ZNF804A: variants seen among roughly 807,000 people sequenced by gnomAD.
ZNF804A encodes the protein zinc finger protein 804A.
A neutral mutation model predicts 16.5 loss-of-function variants in ZNF804A; 2 were observed. The observed-to-expected ratio is 0.12, with a 90% confidence interval of 0.05 to 0.38. The LOEUF is 0.38. Ranked by LOEUF, ZNF804A falls within the 10% of genes least tolerant of loss-of-function variation. The pLI, the probability that ZNF804A is intolerant of heterozygous loss-of-function variation, is 0.99. For missense variants in ZNF804A, 1,473 were observed against 1,390.7 expected, an observed-to-expected ratio of 1.06 and a Z score of -0.94; for synonymous variants, 534 against 489.6, an observed-to-expected ratio of 1.09 and a Z score of -1.20.
chr2:184,684,062 G>A (rs756348447), intron 1 of ZNF804A, among the ~76,000 whole-genome samples: 3 of 152,248 alleles, frequency 2.0e-5, no homozygotes, highest in African/African-American at 7.2e-5. Context: ...CTAGGCAGAC[G>A]TAATTGTAAG....
At chr2:184,724,487 C>T (rs1456110558) in intron 1 of ZNF804A, among the ~76,000 whole-genome samples, 3 of 150,912 alleles carry the variant, frequency 2.0e-5, no homozygotes, top group Admixed American at 6.6e-5. Flanking sequence ...CAGAGAGTTT[C>T]CCAATACAGA....
intron 1 of ZNF804A, among the ~76,000 whole-genome samples, chr2:184,632,103 G>C (rs574302687): frequency 9.2e-5 from 14 of 151,888 alleles, no homozygotes; most frequent in South Asian, 6.2e-4. Flanking sequence ...GTTGGGAACT[G>C]GGTACCTTTA....
chr2:184,936,611 A>C lies in ZNF804A; in HGVS notation c.1215A>C (p.Glu405Asp). ...AGACATTGGCCCCTTCAAATACTGA[A>C]GAGGTTAACATAACTATACATAAGA... ...GPETLAPSNT[E>D]EVNITIHKKT... The change falls in exon 4 of 4, where the codon GAA (glutamate) becomes GAC (aspartate). Residue 405 changes from glutamate to aspartate, a missense_variant. Coordinates refer to ENST00000302277, the MANE Select transcript of ZNF804A (RefSeq NM_194250.2). The C allele has an allele frequency of 6.2e-7, 1 of 1,614,054 alleles. No individual in the cohort carries two copies. Among genetic ancestry groups the C allele is most frequent in the Non-Finnish European group, 8.5e-7 (1 of 1,179,946 alleles).
At chr2:184,832,799 C>T (rs981771013) in intron 1 of ZNF804A, among the ~76,000 whole-genome samples, 3 of 151,526 alleles carry the variant, frequency 2.0e-5, no homozygotes, top group Admixed American at 2.0e-4. Flanking sequence ...GATATTATAC[C>T]AAAAGTTCAT....
intron 1 of ZNF804A, among the ~76,000 whole-genome samples, chr2:184,621,140 A>G (rs543715744): frequency 6.6e-6 from 1 of 151,856 alleles, no homozygotes; most frequent in East Asian, 1.9e-4. Context: ...TTCACATATT[A>G]TCTCATACAT....
chr2:184,926,783 G>A (rs1049059696), intron 2 of ZNF804A, among the ~76,000 whole-genome samples: 2 of 152,054 alleles, frequency 1.3e-5, no homozygotes, highest in Non-Finnish European at 2.9e-5. Flanking sequence ...TAGATCAATT[G>A]TTTTTAAGAA....
intron 2 of ZNF804A, among the ~76,000 whole-genome samples, chr2:184,913,491 G>A (rs1685395561): frequency 6.6e-6 from 1 of 152,086 alleles, no homozygotes; most frequent in South Asian, 2.1e-4. Flanking sequence ...CTCTGTGAAT[G>A]TCTTAATTTT....
At chr2:184,867,457 T>C (rs16823786) in intron 2 of ZNF804A, among the ~76,000 whole-genome samples, 1,545 of 152,130 alleles carry the variant, frequency 0.01, 25 homozygotes, top group African/African-American at 0.036. Flanking sequence ...TAAACGATAA[T>C]GAACCAATTG....
chr2:184,678,499 T>G (rs1692477395), intron 1 of ZNF804A, among the ~76,000 whole-genome samples: 1 of 152,154 alleles, frequency 6.6e-6, no homozygotes, highest in African/African-American at 2.4e-5. Flanking sequence ...TATTTAAATG[T>G]ACTTGAAAGA....
intron 2 of ZNF804A, among the ~76,000 whole-genome samples, chr2:184,867,057 G>T (rs1695888230): frequency 6.6e-6 from 1 of 151,538 alleles, no homozygotes; most frequent in South Asian, 2.1e-4. Flanking sequence ...CTATGATTTT[G>T]TTCATTTTAA....
At chr2:184,695,610 G>A (rs950591006) in intron 1 of ZNF804A, among the ~76,000 whole-genome samples, 1 of 151,798 alleles carries the variant, frequency 6.6e-6, no homozygotes, top group Non-Finnish European at 1.5e-5. Context: ...TAGAGATGGG[G>A]TCTTGCCATA....
chr2:184,722,821 A>G (rs1376502328), intron 1 of ZNF804A, among the ~76,000 whole-genome samples: 1 of 152,038 alleles, frequency 6.6e-6, no homozygotes, highest in Non-Finnish European at 1.5e-5. Flanking sequence ...AGAAAATTTC[A>G]TCAGAATGTG....
At chr2:184,848,142 G>A (rs1175653166) in intron 1 of ZNF804A, among the ~76,000 whole-genome samples, 2 of 151,986 alleles carry the variant, frequency 1.3e-5, no homozygotes, top group Non-Finnish European at 2.9e-5. Context: ...TTCTAATCAT[G>A]TCTTGGACTT....
rs1045738070 is a variant in ZNF804A at position 184,682,694 on chromosome 2, G to A, written c.111+83624G>A. Among the ~76,000 whole-genome samples the A allele has an allele frequency of 3.9e-5, 6 of 152,144 alleles. No individual in the cohort carries two copies. The South Asian group carries it at 6.2e-4, about 16-fold the overall frequency. On this transcript the variant is annotated intron_variant, in intron 1 of 3. Transcript: ENST00000302277. ...TGCAAATCAATCTGAATTTTGTGGC[G>A]TTTACTCTTATTGAAGCATTTTCTC...
intron 1 of ZNF804A, among the ~76,000 whole-genome samples, chr2:184,766,247 T>C (rs1281623741): frequency 1.3e-5 from 2 of 152,136 alleles, no homozygotes; most frequent in Non-Finnish European, 2.9e-5. Flanking sequence ...AAAATTATTG[T>C]TTGGTGATAA....
chr2:184,770,675 G>A lies in ZNF804A; in HGVS notation c.112-95694G>A, dbSNP rs114083132. ...AAATTATAAACAAGTAAGATGACAT[G>A]AAAAATGTCAAAGGCTAATATAATG... On this transcript the variant is annotated intron_variant, in intron 1 of 3. Coordinates refer to ENST00000302277, the MANE Select transcript of ZNF804A (RefSeq NM_194250.2). Among the ~76,000 whole-genome samples the A allele has an allele frequency of 4.1e-3, 625 of 152,062 alleles. 12 individuals are homozygous for A. The highest frequency in any genetic ancestry group is 0.014 in the African/African-American group (571 of 41,516).
chr2:184,936,053 A>G lies in ZNF804A; in HGVS notation c.657A>G (p.Pro219=), dbSNP rs754163312. 1.2e-6 allele frequency: 2 copies of G among 1,613,946 alleles called. No homozygotes were observed. Among genetic ancestry groups the G allele is most frequent in the African/African-American group, 1.3e-5 (1 of 74,936 alleles). The change falls in exon 4 of 4, where the codon CCA becomes CCG. Residue 219 remains proline (P), a synonymous_variant. Transcript: ENST00000302277. ...RHKIGFSFAF[P]KKASVKLESS... ...AAATCGGCTTTTCTTTTGCATTTCC[A>G]AAGAAAGCGTCCGTGAAGCTAGAGT...
chr2:184,700,607 G>T (rs1310192797), intron 1 of ZNF804A, among the ~76,000 whole-genome samples: 1 of 152,026 alleles, frequency 6.6e-6, no homozygotes, highest in Non-Finnish European at 1.5e-5. Flanking sequence ...AAATTCATTG[G>T]AAGACAACCT....
At chr2:184,904,143 T>C (rs1296599634) in intron 2 of ZNF804A, among the ~76,000 whole-genome samples, 2 of 151,996 alleles carry the variant, frequency 1.3e-5, no homozygotes, top group Admixed American at 6.6e-5. Flanking sequence ...AATGAAATAC[T>C]TAGGAATAAA....
Sources: allele counts gnomAD v4.1 joint callset (sites outside exome capture counted in the v4.1 genomes callset), GRCh38; gene constraint gnomAD v4.1.1; transcripts MANE v1.5; gene names NCBI Gene and HGNC (gene_info 2026-07-23, HGNC 2026-07-21).